The following SHANK2 variants were observed in gnomAD, a reference collection of about 807,000 sequenced individuals.
SHANK2 encodes the protein SH3 and multiple ankyrin repeat domains 2.
Under a neutral mutation model 133.7 loss-of-function variants are expected in SHANK2, and 43 were observed. That is an observed-to-expected ratio of 0.32 (90% confidence interval 0.25 to 0.41). The LOEUF (loss-of-function observed/expected upper bound fraction) is 0.41. Among genes scored for constraint, SHANK2 ranks in the 10% least tolerant of loss-of-function variants. The probability of loss-of-function intolerance (pLI) is 1.00; values close to 1 mark genes in which losing one functional copy is unlikely to be tolerated. For missense variants in SHANK2, 1,994 were observed against 2,235.8 expected (o/e 0.89, Z 2.18); for synonymous variants, 1,017 against 952.8 (o/e 1.07, Z -1.24).
intron 9 of SHANK2, among the ~76,000 whole-genome samples, chr11:71,071,724 G>C (rs1052157244): frequency 6.6e-6 from 1 of 152,196 alleles, no homozygotes; most frequent in Non-Finnish European, 1.5e-5. Flanking sequence ...CTCCAGCAGA[G>C]TGGCTGGAGG....
intron 14 of SHANK2, among the ~76,000 whole-genome samples, chr11:70,715,461 G>A (rs1945892224): frequency 6.6e-6 from 1 of 152,176 alleles, no homozygotes; most frequent in South Asian, 2.1e-4. Context: ...GCCAAGCCAG[G>A]CTGGGGACAC....
At chr11:71,159,764 AC>A (rs1952974355) in intron 2 of SHANK2, among the ~76,000 whole-genome samples, 1 of 152,078 alleles carries the variant, frequency 6.6e-6, no homozygotes, top group Non-Finnish European at 1.5e-5. Flanking sequence ...TGGGTGGATC[AC>A]TTGAAGTCAG....
In SHANK2 at chr11:70,739,222, A is replaced by T. The variant is rs1327996898; in HGVS notation, c.1778-40459T>A. Reference sequence around the variant, plus strand: ...GAGGGCCTGATGGTGGGGATGCGGCATGTGAACTTCAGGGGCACACAAAGC... The same window carrying T: ...GAGGGCCTGATGGTGGGGATGCGGCTTGTGAACTTCAGGGGCACACAAAGC... On this transcript the variant is annotated intron_variant, in intron 14 of 25. Coordinates refer to ENST00000601538, the MANE Select transcript of SHANK2 (RefSeq NM_012309.5). The surrounding 1 kb of genome is among the most constrained non-coding windows in gnomAD (Gnocchi z 4.3). Among the ~76,000 whole-genome samples the T allele has an allele frequency of 2.0e-5, 3 of 152,192 alleles. No homozygotes were observed. The highest frequency in any genetic ancestry group is 7.2e-5 in the African/African-American group (3 of 41,444).
intron 14 of SHANK2, among the ~76,000 whole-genome samples, chr11:70,770,906 TCTTA>T (rs1565305239): frequency 1.5e-5 from 2 of 134,662 alleles, no homozygotes; most frequent in East Asian, 2.3e-4. Context: ...CTTCCCTCCC[TCTTA>T]CTTCCTTTTT....
intron 11 of SHANK2, among the ~76,000 whole-genome samples, chr11:70,894,569 C>T (rs562945069): frequency 6.6e-6 from 1 of 152,278 alleles, no homozygotes; most frequent in African/African-American, 2.4e-5. Context: ...CTCCATGGGG[C>T]AAGACTTAGG....
Position 70,798,452 on chromosome 11 carries a change from T to C in SHANK2, c.1768A>G (p.Ser590Gly). The C allele has an allele frequency of 1.4e-6, 1 of 718,410 alleles. No individual in the cohort carries two copies. The highest frequency in any genetic ancestry group is 2.6e-6 in the Non-Finnish European group (1 of 385,100). The allele number at this position is 718,410 out of a possible 1,614,324, so 44.5% of individuals were successfully genotyped here. ...VEEVQCKPRD[S>G]QAETRADRSK... ...CGAGCGCTCGCCTTACCTGCCTGGC[T>C]GTCCCTGGGCTTACACTGGACCTCC... Residue 590 changes from serine to glycine, a missense_variant, in exon 14 of 26, where the codon AGC (serine) becomes GGC (glycine). By Grantham distance (56) the Ser-to-Gly change is moderately conservative. This residue lies in a region of SHANK2 where 653 missense variants were observed against 563.4 expected (regional missense o/e 1.16). Coordinates refer to ENST00000601538, the MANE Select transcript of SHANK2 (RefSeq NM_012309.5).
rs1417684993 is a variant in SHANK2 at position 70,492,984 on chromosome 11, C to T, written c.2309-519G>A. 8.6e-5 allele frequency among the ~76,000 whole-genome samples: 13 copies of T among 151,556 alleles called. No individual in the cohort carries two copies. The East Asian group carries it at 1.9e-3, about 23-fold the overall frequency. On this transcript the variant is annotated intron_variant, in intron 21 of 25. Coordinates refer to ENST00000601538, the MANE Select transcript of SHANK2 (RefSeq NM_012309.5). ...CTAATTTTTGTATTTTTAGTAGAGACGGAGTTTCACCATGTTGGCCAGGCT... is the reference window on the plus strand; with the variant it reads ...CTAATTTTTGTATTTTTAGTAGAGATGGAGTTTCACCATGTTGGCCAGGCT...
intron 1 of SHANK2, among the ~76,000 whole-genome samples, chr11:71,251,072 G>A (rs554725678): frequency 2.2e-4 from 34 of 152,036 alleles, no homozygotes; most frequent in African/African-American, 7.7e-4. Flanking sequence ...CAGCCCCCGA[G>A]AGCCTTACGT....
At chr11:71,237,254 G>A (rs1254897821) in intron 1 of SHANK2, among the ~76,000 whole-genome samples, 13 of 152,202 alleles carry the variant, frequency 8.5e-5, no homozygotes, top group African/African-American at 3.1e-4. Flanking sequence ...GCTGTAGTGG[G>A]CAACTTGCAG....
At chr11:70,826,401 C>T (rs918708553) in intron 11 of SHANK2, 2 of 468,796 alleles carry the variant, frequency 4.3e-6, no homozygotes, top group Non-Finnish European at 8.9e-6. Flanking sequence ...CCCTCTCCCC[C>T]ACCCCGAGAA....
chr11:70,510,530 C>T (rs1721451259), intron 17 of SHANK2, among the ~76,000 whole-genome samples: 1 of 152,192 alleles, frequency 6.6e-6, no homozygotes, highest in Non-Finnish European at 1.5e-5. Context: ...CTGCCTCTGC[C>T]AGCGCCACCA....
chr11:71,067,818 C>T (rs1448251344), intron 9 of SHANK2, among the ~76,000 whole-genome samples: 1 of 146,802 alleles, frequency 6.8e-6, no homozygotes, highest in Non-Finnish European at 1.5e-5. Context: ...CCATGAACAT[C>T]ACCACTACCA....
At position 70,477,553 on chromosome 11, in the gene SHANK2, T is replaced by C. The variant is rs373663582; in HGVS notation, c.4980-4114A>G. Reference sequence around the variant, plus strand: ...GCCTGAAGCCCACTGAGAAGCAGCTTATTGCCAATTTCCTACCTCAGGTGC... The same window carrying C: ...GCCTGAAGCCCACTGAGAAGCAGCTCATTGCCAATTTCCTACCTCAGGTGC... On this transcript the variant is annotated intron_variant, in intron 25 of 25. Transcript: ENST00000601538. 3 of 152,040 alleles carry C rather than the reference T, an allele frequency of 2.0e-5. No homozygotes were observed. In the East Asian group the frequency reaches 5.8e-4, roughly 29 times the overall value. The allele number at this position is 152,040 out of a possible 1,614,324, so 9.4% of individuals were successfully genotyped here. A position where few individuals can be genotyped will look rare whatever the true frequency, so the allele number is the denominator to read the frequency against.
intron 17 of SHANK2, among the ~76,000 whole-genome samples, chr11:70,601,093 C>G (rs190903911): frequency 6.6e-6 from 1 of 151,050 alleles, no homozygotes; most frequent in East Asian, 2.0e-4. Flanking sequence ...TGCTCTGATG[C>G]CCAGGCTGAG....
chr11:70,793,679 G>A (rs552765714), intron 14 of SHANK2, among the ~76,000 whole-genome samples: 70 of 152,262 alleles, frequency 4.6e-4, no homozygotes, highest in African/African-American at 1.5e-3. Context: ...GACTGATATT[G>A]CCAAATGTTG....
intron 2 of SHANK2, among the ~76,000 whole-genome samples, chr11:71,210,488 G>A (rs376950554): frequency 5.3e-4 from 80 of 151,612 alleles, no homozygotes; most frequent in African/African-American, 1.8e-3. Flanking sequence ...CTGACCTTGC[G>A]ATCCACCCAC....
intron 17 of SHANK2, among the ~76,000 whole-genome samples, chr11:70,516,696 A>T (rs575756167): frequency 1.3e-5 from 2 of 152,332 alleles, no homozygotes; most frequent in South Asian, 4.1e-4. Flanking sequence ...TGCAAAACAA[A>T]CACTTATCAG....
intron 3 of SHANK2, among the ~76,000 whole-genome samples, chr11:71,121,478 T>G (rs536072984): frequency 6.7e-4 from 102 of 152,336 alleles, no homozygotes; most frequent in African/African-American, 2.4e-3. Flanking sequence ...CTTTGTCAGA[T>G]GGACAGATTG....
intron 11 of SHANK2, among the ~76,000 whole-genome samples, chr11:70,831,900 A>G (rs1173908818): frequency 1.3e-5 from 2 of 152,110 alleles, no homozygotes; most frequent in Non-Finnish European, 2.9e-5. Context: ...ACTCTGTATC[A>G]TGCCCCCTGC....
Sources: allele counts gnomAD v4.1 joint callset (sites outside exome capture counted in the v4.1 genomes callset), GRCh38; gene constraint gnomAD v4.1.1; regional missense constraint gnomAD v4.1.1; non-coding constraint Gnocchi (gnomAD v3.1); transcripts MANE v1.5; gene names NCBI Gene and HGNC (gene_info 2026-07-23, HGNC 2026-07-21).